The following SREK1 variants were observed in gnomAD, a reference collection of about 807,000 sequenced individuals.
The protein encoded by SREK1 is splicing regulatory glutamine/lysine-rich protein 1.
Under a neutral mutation model 66.5 loss-of-function variants are expected in SREK1, and 13 were observed. The observed-to-expected ratio is 0.20, with a 90% CI of 0.13 to 0.31. SREK1 has a LOEUF of 0.31. Ranked by LOEUF, SREK1 falls within the 10% of genes least tolerant of loss-of-function variation. SREK1 has a pLI of 1.00. For synonymous variants in SREK1, 265 were observed against 263.5 expected, an observed-to-expected ratio of 1.01 and a Z score of -0.05; for missense variants, 607 against 769.6, an observed-to-expected ratio of 0.79 and a Z score of 2.50.
intron 2 of SREK1, among the ~76,000 whole-genome samples, chr5:66,154,387 A>G (rs968275237): frequency 6.6e-6 from 1 of 152,212 alleles, no homozygotes; most frequent in African/African-American, 2.4e-5. Context: ...TTTTATTCAG[A>G]GCACTGACTA....
intron 3 of SREK1, among the ~76,000 whole-genome samples, chr5:66,161,078 A>G (rs1744720885): frequency 6.6e-6 from 1 of 152,152 alleles, no homozygotes; most frequent in South Asian, 2.1e-4. Context: ...TATTTTAGAT[A>G]TATTTTCTTA....
intron 9 of SREK1, among the ~76,000 whole-genome samples, chr5:66,171,224 A>G (rs1194886238): frequency 6.6e-6 from 1 of 152,164 alleles, no homozygotes; most frequent in Admixed American, 6.5e-5. Context: ...GATGGCAGGG[A>G]AAGGTACTTT....
At chr5:66,154,117 G>T (rs1561496623) in intron 2 of SREK1, among the ~76,000 whole-genome samples, 1 of 152,088 alleles carries the variant, frequency 6.6e-6, no homozygotes, top group Non-Finnish European at 1.5e-5. Flanking sequence ...TTTGCAACTG[G>T]AATTTAATGT....
intron 2 of SREK1, chr5:66,156,151 C>T: frequency 1.4e-6 from 2 of 1,407,734 alleles, no homozygotes; most frequent in Non-Finnish European, 1.8e-6. Context: ...TCAAGTGAAA[C>T]CTTCATTGGG....
At chr5:66,151,570 A>C (rs1743809762) in intron 1 of SREK1, among the ~76,000 whole-genome samples, 1 of 152,118 alleles carries the variant, frequency 6.6e-6, no homozygotes. Flanking sequence ...TTTTCAACTT[A>C]CTTAGTGACC....
In SREK1 at chr5:66,182,408, A is replaced by G. The variant is rs1033957166; in HGVS notation, c.*3540A>G. ...TCAAATTTTAAAAGCTAGTGCTCTTAAAAGAGCTAAATTATATTTCTGGAA... is the reference window on the plus strand; with the variant it reads ...TCAAATTTTAAAAGCTAGTGCTCTTGAAAGAGCTAAATTATATTTCTGGAA... On this transcript the variant is annotated 3_prime_UTR_variant, in exon 12 of 12. Transcript: ENST00000334121. 3.3e-5 allele frequency: 5 copies of G among 152,206 alleles called. No individual in the cohort carries two copies. Among genetic ancestry groups the G allele is most frequent in the Non-Finnish European group, 7.3e-5 (5 of 68,042 alleles). 9.4% of individuals were successfully genotyped at this position (152,206 alleles called of 1,614,324 possible).
chr5:66,178,554 G>C (rs1479688208), intron 11 of SREK1, among the ~76,000 whole-genome samples, 165 bp from the exon 12 acceptor site: 2 of 152,038 alleles, frequency 1.3e-5, no homozygotes, highest in African/African-American at 4.8e-5. Context: ...AGAACACAAA[G>C]GGGAAATTGA....
intron 1 of SREK1, 32 bp downstream of exon 1, chr5:66,144,569 G>A: frequency 6.5e-7 from 1 of 1,535,662 alleles, no homozygotes; most frequent in Non-Finnish European, 8.8e-7. Flanking sequence ...GGGGAGGGGC[G>A]CGGGCGCCAT....
chr5:66,148,579 A>T (rs1743475949), intron 1 of SREK1, among the ~76,000 whole-genome samples: 1 of 152,210 alleles, frequency 6.6e-6, no homozygotes, highest in Admixed American at 6.5e-5. Context: ...AATCTGCTAA[A>T]TTTGGGTACT....
chr5:66,176,906 T>A (rs961775428), intron 10 of SREK1, among the ~76,000 whole-genome samples: 1 of 152,076 alleles, frequency 6.6e-6, no homozygotes, highest in Non-Finnish European at 1.5e-5. Flanking sequence ...GAGGGGTCTT[T>A]TGTTTATTTG....
intron 1 of SREK1, among the ~76,000 whole-genome samples, chr5:66,149,513 C>T (rs1465611575): frequency 1.3e-5 from 2 of 152,158 alleles, no homozygotes; most frequent in African/African-American, 4.8e-5. Flanking sequence ...GATGTAGTTG[C>T]ATTACAAACC....
At chr5:66,151,862 T>C (rs1353680341) in intron 1 of SREK1, among the ~76,000 whole-genome samples, 2 of 143,956 alleles carry the variant, frequency 1.4e-5, no homozygotes, top group African/African-American at 5.4e-5. Context: ...TTTTTTTTTT[T>C]TGAGAAGGAG....
chr5:66,172,673 G>A lies in SREK1; in HGVS notation c.1484+1726G>A, dbSNP rs1287028155. On this transcript the variant is annotated intron_variant, in intron 9 of 11. Coordinates refer to ENST00000334121, the MANE Select transcript of SREK1 (RefSeq NM_001077199.3). ...GGCCTCCCAAAGTGCTGGGATTACA[G>A]GCATCAGTCACTGCACCTGGCTCAA... 2.0e-5 allele frequency among the ~76,000 whole-genome samples: 3 copies of A among 152,074 alleles called. No homozygotes were observed. The East Asian group carries it at 5.8e-4, about 29-fold the overall frequency.
rs758205016 is a variant in SREK1, at chr5:66,162,245, C to T, written c.548C>T (p.Thr183Met). 1.9e-6 allele frequency: 3 copies of T among 1,613,924 alleles called. No individual in the cohort carries two copies. The highest frequency in any genetic ancestry group is 1.3e-5 in the African/African-American group (1 of 74,910). The change falls in exon 4 of 12, where the codon ACG becomes ATG. Residue 183 changes from threonine (T) to methionine (M), a missense_variant. By Grantham distance (81) the Thr-to-Met change is moderately conservative. Transcript: ENST00000334121. ...TCCAAAATAGATGAAATTAGGAGAA[C>T]GGTTTATGTTGGAAATCTGAATTCC... ...DPSKIDEIRR[T>M]VYVGNLNSQT...
At chr5:66,155,296 T>C (rs1433442566) in intron 2 of SREK1, among the ~76,000 whole-genome samples, 1 of 152,220 alleles carries the variant, frequency 6.6e-6, no homozygotes, top group African/African-American at 2.4e-5. Flanking sequence ...AAGCATACTT[T>C]TATTGCAATT....
At chr5:66,145,551 T>C (rs1024518512) in intron 1 of SREK1, among the ~76,000 whole-genome samples, 2 of 152,102 alleles carry the variant, frequency 1.3e-5, no homozygotes. Context: ...GTTATAACAG[T>C]GCTGTTGCAT....
intron 9 of SREK1, chr5:66,174,684 G>A (rs959980888): frequency 1.5e-5 from 4 of 267,560 alleles, no homozygotes; most frequent in African/African-American, 6.6e-5. Flanking sequence ...TCAAATAAAC[G>A]AGGTGAAAAG....
intron 2 of SREK1, chr5:66,156,712 C>T (rs920442455): frequency 2.0e-6 from 2 of 984,892 alleles, no homozygotes; most frequent in Non-Finnish European, 2.4e-6. Flanking sequence ...TAAAGAAGAG[C>T]CTTTCATTTT....
chr5:66,157,541 AAATC>A (rs1234043884), intron 2 of SREK1: 1 of 980,294 alleles, frequency 1.0e-6, no homozygotes, highest in Non-Finnish European at 1.2e-6. Flanking sequence ...AAAACAGGTG[AAATC>A]AATATAAATA....
Sources: gnomAD v4.1 joint callset for allele counts (sites outside exome capture counted in the v4.1 genomes callset) on GRCh38, gnomAD v4.1.1 for gene constraint, MANE v1.5 for transcripts, NCBI Gene and HGNC (gene_info 2026-07-23, HGNC 2026-07-21) for gene names.